Variants in MTREX observed in about 807,000 individuals in gnomAD.
MTREX encodes exosome RNA helicase MTR4.
In MTREX, 76 loss-of-function variants were observed where a neutral mutation model predicts 135.4. The observed-to-expected ratio is 0.56, with a 90% CI of 0.47 to 0.68. The LOEUF is 0.68. Among genes scored for constraint, MTREX ranks in the 30% least tolerant of loss-of-function variants. The pLI is 0.00. For missense variants in MTREX, 920 were observed against 1,262.1 expected, an observed-to-expected ratio of 0.73 and a Z score of 4.11; for synonymous variants, 404 against 401.6, an observed-to-expected ratio of 1.01 and a Z score of -0.07.
intron 22 of MTREX, 145 bp downstream of exon 22, chr5:55,405,733 G>C: frequency 1.8e-6 from 1 of 540,662 alleles, no homozygotes. Flanking sequence ...ACTCCGCCTC[G>C]CAGTTTTAAG....
chr5:55,378,812 T>C (rs1750347995), intron 17 of MTREX, among the ~76,000 whole-genome samples: 1 of 152,180 alleles, frequency 6.6e-6, no homozygotes, highest in South Asian at 2.1e-4. Context: ...AATAAGGCAA[T>C]TTTAAGTTCT....
At chr5:55,358,752 G>A (rs1379230780) in intron 15 of MTREX, 54 bp downstream of exon 15, 4 of 1,463,738 alleles carry the variant, frequency 2.7e-6, no homozygotes, top group Non-Finnish European at 3.7e-6. Flanking sequence ...ATATACTTCA[G>A]GAGCCATTTC....
intron 10 of MTREX, 116 bp from the exon 11 acceptor site, chr5:55,346,897 G>A (rs558381101): frequency 5.6e-5 from 45 of 798,698 alleles, no homozygotes; most frequent in African/African-American, 7.3e-5. Context: ...TCTAACCCAC[G>A]GTCAGGAAGA....
At chr5:55,406,210 T>C (rs1288434785) in intron 22 of MTREX, among the ~76,000 whole-genome samples, 1 of 152,206 alleles carries the variant, frequency 6.6e-6, no homozygotes, top group Non-Finnish European at 1.5e-5. Flanking sequence ...GACTTTATCC[T>C]CTTATTGTTT....
intron 15 of MTREX, among the ~76,000 whole-genome samples, chr5:55,365,989 TAAA>T (rs765319067): frequency 8.2e-6 from 1 of 121,282 alleles, no homozygotes. Context: ...AGACCCCATC[TAAA>T]AAAAAAAAAA....
At position 55,324,217 on chromosome 5, in the gene MTREX, CAG is replaced by C. The variant is rs1368502142; in HGVS notation, c.339+21_339+22del. ...ACATGAGGTAAGCACAAACAGCATA[CAG>C]AAGGTTAGTGTTACAAATGGGATTT... On this transcript the variant is annotated intron_variant, in intron 3 of 26. Transcript: ENST00000230640. 1 of 1,579,240 alleles carries C rather than the reference CAG, an allele frequency of 6.3e-7. No individual in the cohort carries two copies. Among genetic ancestry groups the C allele is most frequent in the South Asian group, 1.1e-5 (1 of 89,162 alleles).
chr5:55,383,600 T>C (rs1271262201), intron 18 of MTREX, among the ~76,000 whole-genome samples: 1 of 152,188 alleles, frequency 6.6e-6, no homozygotes, highest in East Asian at 1.9e-4. Flanking sequence ...TTTAAGATTT[T>C]CTCTTTTTGA....
At position 55,341,757 on chromosome 5, in the gene MTREX, A is replaced by G. The variant is rs1749652486; in HGVS notation, c.767A>G (p.Tyr256Cys). 6.5e-7 allele frequency: 1 copy of G among 1,528,722 alleles called. No homozygotes were observed. The highest frequency in any genetic ancestry group is 9.0e-7 in the Non-Finnish European group (1 of 1,105,240). The allele number at this position is 1,528,722 out of a possible 1,614,324, so 94.7% of individuals were successfully genotyped here. The change falls in exon 7 of 27, where the codon TAT becomes TGT. Residue 256 changes from tyrosine (Y) to cysteine (C), a missense_variant. Tyr to Cys is a radical substitution (Grantham distance 194). This residue lies in a region of MTREX where 88 missense variants were observed against 202.5 expected (regional missense o/e 0.43). Coordinates refer to ENST00000230640, the MANE Select transcript of MTREX (RefSeq NM_015360.5). ...VAWVIFDEIHYMRDSERGVVW... is the reference protein window; with the variant it reads ...VAWVIFDEIHCMRDSERGVVW... ...TGGGTTATATTTGATGAAATTCATTATATGAGAGATTCAGGTATATTCAGT... is the reference window on the plus strand; with the variant it reads ...TGGGTTATATTTGATGAAATTCATTGTATGAGAGATTCAGGTATATTCAGT...
intron 13 of MTREX, among the ~76,000 whole-genome samples, chr5:55,351,321 T>C (rs1027259440): frequency 6.6e-6 from 1 of 151,988 alleles, no homozygotes; most frequent in Admixed American, 6.6e-5. Flanking sequence ...TTACCTGAGG[T>C]CGGGAGTTCG....
intron 3 of MTREX, chr5:55,324,825 A>G (rs1301472966): frequency 2.0e-5 from 3 of 152,208 alleles, no homozygotes; most frequent in East Asian, 3.8e-4. Flanking sequence ...CAATAAAGGG[A>G]TCTACCTTGT....
chr5:55,317,474 C>T (rs753212718), intron 1 of MTREX, among the ~76,000 whole-genome samples: 9 of 152,166 alleles, frequency 5.9e-5, no homozygotes, highest in East Asian at 3.9e-4. Flanking sequence ...GAAATAAGGC[C>T]GCACATCTAC....
At chr5:55,378,968 G>T (rs1750350354) in intron 17 of MTREX, among the ~76,000 whole-genome samples, 159 bp from the exon 18 acceptor site, 1 of 151,994 alleles carries the variant, frequency 6.6e-6, no homozygotes, top group South Asian at 2.1e-4. Context: ...TTTCCTGCAG[G>T]GTTGATATCT....
chr5:55,347,900 GC>G (rs1561193453), intron 11 of MTREX, among the ~76,000 whole-genome samples: 1 of 152,130 alleles, frequency 6.6e-6, no homozygotes, highest in African/African-American at 2.4e-5. Context: ...AAGAGAGGGA[GC>G]TTGTGCAGGA....
intron 2 of MTREX, among the ~76,000 whole-genome samples, chr5:55,323,086 A>ATT (rs59820102): frequency 0.058 from 8,738 of 151,710 alleles, 440 homozygotes; most frequent in Admixed American, 0.11. Flanking sequence ...AATTTCTGTG[A>ATT]TTTTTTTTTA....
At chr5:55,373,645 A>G (rs954657622) in intron 16 of MTREX, among the ~76,000 whole-genome samples, 3 of 152,188 alleles carry the variant, frequency 2.0e-5, no homozygotes, top group Non-Finnish European at 4.4e-5. Context: ...ATAATCAGAC[A>G]TAAAGAGGAA....
intron 10 of MTREX, among the ~76,000 whole-genome samples, chr5:55,346,407 C>G (rs945996560): frequency 2.6e-5 from 4 of 152,104 alleles, no homozygotes; most frequent in African/African-American, 9.7e-5. Context: ...GTAAATGAAA[C>G]AGATTATGTA....
chr5:55,409,724 G>C (rs541544956), intron 22 of MTREX, among the ~76,000 whole-genome samples: 1 of 152,334 alleles, frequency 6.6e-6, no homozygotes, highest in Non-Finnish European at 1.5e-5. Context: ...GACAGTGCAA[G>C]TGCAAGAAGA....
chr5:55,377,239 G>A (rs569030150), intron 16 of MTREX, among the ~76,000 whole-genome samples: 5 of 152,078 alleles, frequency 3.3e-5, no homozygotes, highest in Non-Finnish European at 5.9e-5. Context: ...AAGCAGGAGA[G>A]TGGTGTGAAC....
intron 19 of MTREX, among the ~76,000 whole-genome samples, chr5:55,396,302 GTA>G (rs1191175267): frequency 6.6e-6 from 1 of 152,152 alleles, no homozygotes; most frequent in African/African-American, 2.4e-5. Context: ...TAATAGTAAT[GTA>G]TAAAGGTCAT....
Sources: gnomAD v4.1 joint callset for allele counts (sites outside exome capture counted in the v4.1 genomes callset) on GRCh38, gnomAD v4.1.1 for gene constraint, gnomAD v4.1.1 regional missense constraint, MANE v1.5 for transcripts, NCBI Gene and HGNC (gene_info 2026-07-23, HGNC 2026-07-21) for gene names.